ZEB2: variants seen among roughly 807,000 people sequenced by gnomAD.
ZEB2 encodes zinc finger E-box-binding homeobox 2.
In ZEB2, 6 loss-of-function variants were observed where a neutral mutation model predicts 99.9. The observed-to-expected ratio is 0.06, with a 90% CI of 0.03 to 0.12. ZEB2 has a LOEUF of 0.12. Among genes scored for constraint, ZEB2 ranks in the 10% least tolerant of loss-of-function variants. ZEB2 has a pLI of 1.00. For synonymous variants in ZEB2, 517 were observed against 542.5 expected (o/e 0.95, Z 0.65); for missense variants, 969 against 1,502.8 (o/e 0.64, Z 5.87).
At chr2:144,435,749 T>C (rs1703828634) in intron 2 of ZEB2, among the ~76,000 whole-genome samples, 1 of 152,178 alleles carries the variant, frequency 6.6e-6, no homozygotes, top group South Asian at 2.1e-4. Flanking sequence ...TCTTTACATG[T>C]GGCAAGTGTC....
chr2:144,433,336 A>C (rs1703797823), intron 2 of ZEB2, among the ~76,000 whole-genome samples: 1 of 152,216 alleles, frequency 6.6e-6, no homozygotes, highest in Non-Finnish European at 1.5e-5. Flanking sequence ...TTGCATTGGC[A>C]AAATGCACCT....
intron 2 of ZEB2, among the ~76,000 whole-genome samples, chr2:144,458,144 A>G (rs1367366189): frequency 6.6e-6 from 1 of 151,956 alleles, no homozygotes; most frequent in Non-Finnish European, 1.5e-5. Context: ...ACACATACAC[A>G]CACAAACACA....
intron 2 of ZEB2, among the ~76,000 whole-genome samples, chr2:144,499,811 T>C (rs1326955210): frequency 6.6e-6 from 1 of 152,178 alleles, no homozygotes; most frequent in African/African-American, 2.4e-5. Flanking sequence ...AGTTCAGGTG[T>C]ACAATTTTGA....
intron 2 of ZEB2, chr2:144,444,763 G>A (rs1477744106): frequency 2.0e-5 from 3 of 152,210 alleles, no homozygotes; most frequent in Non-Finnish European, 4.4e-5. Flanking sequence ...TGAGCACCCT[G>A]ACAAGGAAGC....
chr2:144,416,895 A>G (rs1703546547), intron 4 of ZEB2, among the ~76,000 whole-genome samples: 1 of 152,354 alleles, frequency 6.6e-6, no homozygotes, highest in African/African-American at 2.4e-5. Flanking sequence ...AACACTTTGC[A>G]TTTGAACTTA....
intron 9 of ZEB2, among the ~76,000 whole-genome samples, chr2:144,395,923 T>C (rs911680632): frequency 6.6e-6 from 1 of 152,000 alleles, no homozygotes; most frequent in African/African-American, 2.4e-5. Flanking sequence ...ATGACACTAA[T>C]GCCTTTAGTT....
At position 144,398,374 on chromosome 2, in the gene ZEB2, G is replaced by A. The variant is rs1703258155; in HGVS notation, c.2813C>T (p.Thr938Ile). Residue 938 changes from threonine (T) to isoleucine (I), a missense_variant, in exon 8 of 10, where the codon ACC (threonine) becomes ATC (isoleucine). Physicochemically the swap from Thr to Ile is moderately conservative, Grantham distance 89. This residue lies in a region of ZEB2 where 346 missense variants were observed against 460.0 expected (regional missense o/e 0.75). Transcript: ENST00000627532. ...AAAAGTAGCTGCTCCAGTTGGGTAG[G>A]TGTAGGCCATATGTGGTAGGAAGCT... ...QMSFLPHMAY[T>I]YPTGAATFAD... 3.1e-6 allele frequency: 5 copies of A among 1,614,078 alleles called. No homozygotes were observed. Among genetic ancestry groups the A allele is most frequent in the Non-Finnish European group, 4.2e-6 (5 of 1,179,982 alleles).
At chr2:144,452,397 G>A (rs1704066332) in intron 2 of ZEB2, among the ~76,000 whole-genome samples, 1 of 152,102 alleles carries the variant, frequency 6.6e-6, no homozygotes, top group Non-Finnish European at 1.5e-5. Context: ...AAGTCAAGGG[G>A]TGCTTCTAAG....
At chr2:144,481,068 T>G (rs971392500) in intron 2 of ZEB2, among the ~76,000 whole-genome samples, 1 of 152,086 alleles carries the variant, frequency 6.6e-6, no homozygotes, top group Non-Finnish European at 1.5e-5. Flanking sequence ...GAGTTGAAGA[T>G]CTTAGACAAA....
chr2:144,454,545 T>C (rs1036176182), intron 2 of ZEB2, among the ~76,000 whole-genome samples: 14 of 152,310 alleles, frequency 9.2e-5, no homozygotes, highest in African/African-American at 3.4e-4. Context: ...GATCAAGGAT[T>C]AACTTATTTT....
At chr2:144,462,677 T>C (rs1272468685) in intron 2 of ZEB2, 2 of 152,206 alleles carry the variant, frequency 1.3e-5, no homozygotes, top group African/African-American at 4.8e-5. Flanking sequence ...ATGATTTCTG[T>C]GAAGGTGTGT....
At chr2:144,413,948 T>C (rs1278890068) in intron 4 of ZEB2, among the ~76,000 whole-genome samples, 1 of 152,232 alleles carries the variant, frequency 6.6e-6, no homozygotes, top group African/African-American at 2.4e-5. Context: ...AAAAAGTTCT[T>C]CTTTCCCCCA....
chr2:144,390,056 G>C (rs376653666), intron 9 of ZEB2, 28 bp from the exon 10 acceptor site: 1 of 1,596,510 alleles, frequency 6.3e-7, no homozygotes. Context: ...ATGACAGGGT[G>C]ATTAGTGTCT....
intron 2 of ZEB2, among the ~76,000 whole-genome samples, chr2:144,479,285 G>A (rs1704474117): frequency 6.6e-6 from 1 of 152,114 alleles, no homozygotes; most frequent in Non-Finnish European, 1.5e-5. Context: ...TGTTTCCCCG[G>A]ATTCTTTTGC....
chr2:144,474,718 C>G (rs1223630214), intron 2 of ZEB2, among the ~76,000 whole-genome samples: 6 of 152,166 alleles, frequency 3.9e-5, no homozygotes, highest in Non-Finnish European at 8.8e-5. Flanking sequence ...TAGGACCTTA[C>G]ATTAGATCAT....
chr2:144,416,973 G>T (rs1164338050), intron 4 of ZEB2, among the ~76,000 whole-genome samples: 2 of 152,202 alleles, frequency 1.3e-5, no homozygotes, highest in Admixed American at 1.3e-4. Flanking sequence ...ATAATGGCTA[G>T]AAATGATAGC....
intron 2 of ZEB2, among the ~76,000 whole-genome samples, chr2:144,457,746 C>G (rs1704140173): frequency 1.3e-5 from 2 of 152,034 alleles, no homozygotes; most frequent in Non-Finnish European, 2.9e-5. Flanking sequence ...CATGAAAACT[C>G]AACAAATTTA....
intron 2 of ZEB2, among the ~76,000 whole-genome samples, chr2:144,482,620 C>T (rs1421467859): frequency 1.3e-5 from 2 of 152,194 alleles, no homozygotes; most frequent in Admixed American, 1.3e-4. Context: ...GGTTTTTCTT[C>T]CACACTTCCT....
At chr2:144,418,144 A>C (rs1703568078) in intron 4 of ZEB2, among the ~76,000 whole-genome samples, 1 of 152,242 alleles carries the variant, frequency 6.6e-6, no homozygotes, top group African/African-American at 2.4e-5. Context: ...ATATAAAACG[A>C]AACTAGTTCT....
Sources: gnomAD v4.1 joint callset for allele counts (sites outside exome capture counted in the v4.1 genomes callset) on GRCh38, gnomAD v4.1.1 for gene constraint, gnomAD v4.1.1 regional missense constraint, MANE v1.5 for transcripts, NCBI Gene and HGNC (gene_info 2026-07-23, HGNC 2026-07-21) for gene names.